The following STK32B variants were observed in gnomAD, a reference collection of about 807,000 sequenced individuals.
STK32B encodes the protein serine/threonine kinase 32B.
Under a neutral mutation model 52.6 loss-of-function variants are expected in STK32B, and 43 were observed. The observed-to-expected ratio is 0.82, with a 90% CI of 0.64 to 1.05. STK32B has a LOEUF of 1.05. Among genes scored for constraint, STK32B ranks in the 50% least tolerant of loss-of-function variants. The pLI is 0.00. For missense variants in STK32B, 621 were observed against 534.6 expected, an observed-to-expected ratio of 1.16 and a Z score of -1.59; for synonymous variants, 238 against 204.3, an observed-to-expected ratio of 1.17 and a Z score of -1.41.
At chr4:5,404,444 G>T (rs1275143925) in intron 5 of STK32B, among the ~76,000 whole-genome samples, 2 of 152,048 alleles carry the variant, frequency 1.3e-5, no homozygotes, top group African/African-American at 4.8e-5. Flanking sequence ...TCATCATAAT[G>T]TGTGTATATA....
the STK32B span, among the ~76,000 whole-genome samples, chr4:5,025,275 C>T: frequency 2.6e-5 from 4 of 152,134 alleles, no homozygotes; most frequent in Non-Finnish European, 4.4e-5. Flanking sequence ...CACATCTATG[C>T]TGGTCCACTT....
At chr4:5,155,551 G>T (rs762708847) in intron 2 of STK32B, among the ~76,000 whole-genome samples, 1 of 152,142 alleles carries the variant, frequency 6.6e-6, no homozygotes, top group Non-Finnish European at 1.5e-5. Flanking sequence ...GTTTGGCTCT[G>T]TGTCCCCACC....
intron 6 of STK32B, among the ~76,000 whole-genome samples, chr4:5,425,374 G>A (rs16837194): frequency 0.15 from 23,185 of 152,134 alleles, 2,421 homozygotes; most frequent in East Asian, 0.41. Flanking sequence ...GGAAAGTGAA[G>A]TTTGCTTCCC....
chr4:5,425,282 T>C (rs888516901), intron 6 of STK32B, among the ~76,000 whole-genome samples: 1 of 152,144 alleles, frequency 6.6e-6, no homozygotes, highest in Non-Finnish European at 1.5e-5. Flanking sequence ...TTCTGGTTGG[T>C]GAAGCAACAC....
intron 9 of STK32B, among the ~76,000 whole-genome samples, chr4:5,462,287 T>A (rs2109155155): frequency 6.6e-6 from 1 of 151,874 alleles, no homozygotes; most frequent in South Asian, 2.1e-4. Flanking sequence ...TGTGTATGTG[T>A]CTGTGTGTGT....
chr4:5,206,079 G>T (rs550075187), intron 3 of STK32B, among the ~76,000 whole-genome samples: 1 of 152,208 alleles, frequency 6.6e-6, no homozygotes, highest in South Asian at 2.1e-4. Context: ...AACAGATTTG[G>T]TCTAGAGTGT....
intron 6 of STK32B, among the ~76,000 whole-genome samples, chr4:5,431,455 C>A (rs1294806999): frequency 6.6e-6 from 1 of 152,002 alleles, no homozygotes; most frequent in Non-Finnish European, 1.5e-5. Flanking sequence ...TGCACTGATT[C>A]TAATTCTGTG....
intron 3 of STK32B, among the ~76,000 whole-genome samples, chr4:5,308,988 T>C (rs1185148468): frequency 6.6e-6 from 1 of 152,062 alleles, no homozygotes; most frequent in East Asian, 1.9e-4. Context: ...CATGATCTTA[T>C]GTATAGAAAA....
intron 3 of STK32B, among the ~76,000 whole-genome samples, chr4:5,307,875 A>G (rs1730034010): frequency 6.6e-6 from 1 of 152,040 alleles, no homozygotes; most frequent in South Asian, 2.1e-4. Flanking sequence ...CTGAGAGCCG[A>G]ACTGCAGTGA....
At chr4:5,482,494 A>G (rs1239977996) in intron 11 of STK32B, among the ~76,000 whole-genome samples, 1 of 152,044 alleles carries the variant, frequency 6.6e-6, no homozygotes, top group African/African-American at 2.4e-5. Flanking sequence ...GGCTGAGATG[A>G]TGAGGTTTTC....
chr4:5,305,317 C>T (rs1729854064), intron 3 of STK32B, among the ~76,000 whole-genome samples: 1 of 151,898 alleles, frequency 6.6e-6, no homozygotes, highest in African/African-American at 2.4e-5. Flanking sequence ...ATTCATTGGC[C>T]CTGCACTTTC....
At chr4:5,173,654 C>G (rs527966565) in intron 3 of STK32B, among the ~76,000 whole-genome samples, 2 of 152,300 alleles carry the variant, frequency 1.3e-5, no homozygotes, top group South Asian at 2.1e-4. Context: ...TTTGATTGCA[C>G]TGTGGTCTGA....
intron 3 of STK32B, among the ~76,000 whole-genome samples, chr4:5,202,328 C>T (rs1722215831): frequency 6.6e-6 from 1 of 152,244 alleles, no homozygotes; most frequent in Non-Finnish European, 1.5e-5. Context: ...GGCCGCTCTG[C>T]CCCTGTGGCT....
chr4:5,332,266 A>G (rs957495334), intron 4 of STK32B, among the ~76,000 whole-genome samples: 3 of 152,208 alleles, frequency 2.0e-5, no homozygotes, highest in Non-Finnish European at 2.9e-5. Flanking sequence ...GACTACAGTC[A>G]AAACATGGGG....
chr4:5,464,880 A>ATG (rs1175059799), intron 9 of STK32B, among the ~76,000 whole-genome samples: 1 of 152,226 alleles, frequency 6.6e-6, no homozygotes, highest in Non-Finnish European at 1.5e-5. Context: ...GAATGAATGA[A>ATG]TGAGTGGCAG....
At chr4:5,132,062 A>G (rs1342293221) in intron 1 of STK32B, among the ~76,000 whole-genome samples, 1 of 152,152 alleles carries the variant, frequency 6.6e-6, no homozygotes, top group African/African-American at 2.4e-5. Flanking sequence ...TGCATGGGGT[A>G]ATGGCCTCCA....
intron 1 of STK32B, among the ~76,000 whole-genome samples, chr4:5,087,768 A>G (rs1009450723): frequency 6.6e-6 from 1 of 151,996 alleles, no homozygotes; most frequent in African/African-American, 2.4e-5. Context: ...ATATTTATGG[A>G]TCTCATAATA....
chr4:5,135,794 C>G (rs1226322460), intron 1 of STK32B, among the ~76,000 whole-genome samples: 1 of 152,130 alleles, frequency 6.6e-6, no homozygotes, highest in Non-Finnish European at 1.5e-5. Context: ...GTGCCCCTTT[C>G]CTCACATACA....
At chr4:5,320,704 G>A (rs7682178) in intron 3 of STK32B, among the ~76,000 whole-genome samples, 48,603 of 152,040 alleles carry the variant, frequency 0.32, 12,487 homozygotes, top group African/African-American at 0.72. Flanking sequence ...TACTGCAAAA[G>A]CCCAAAACTA....
Sources: gnomAD v4.1 joint callset for allele counts (sites outside exome capture counted in the v4.1 genomes callset) on GRCh38, gnomAD v4.1.1 for gene constraint, MANE v1.5 for transcripts, NCBI Gene and HGNC (gene_info 2026-07-23, HGNC 2026-07-21) for gene names.